The following NUP210L variants were observed in gnomAD, a reference collection of about 807,000 sequenced individuals.
The protein encoded by NUP210L is nucleoporin 210 like, also known as nuclear pore membrane glycoprotein 210-like.
NUP210L carries 74 observed loss-of-function variants against 208.5 expected under a neutral mutation model. The observed-to-expected ratio is 0.35, with a 90% CI of 0.29 to 0.43. NUP210L has a LOEUF of 0.43. Among genes scored for constraint, NUP210L ranks in the 20% least tolerant of loss-of-function variants. NUP210L has a pLI of 1.00. For missense variants in NUP210L, 1,843 were observed against 2,289.4 expected, an observed-to-expected ratio of 0.81 and a Z score of 3.98; for synonymous variants, 780 against 816.9, an observed-to-expected ratio of 0.95 and a Z score of 0.77.
At chr1:154,130,945 T>C (rs1463263096) in intron 7 of NUP210L, among the ~76,000 whole-genome samples, 1 of 152,036 alleles carries the variant, frequency 6.6e-6, no homozygotes, top group Non-Finnish European at 1.5e-5. Flanking sequence ...TTAGTTCTGA[T>C]ATGTACTTTA....
intron 10 of NUP210L, among the ~76,000 whole-genome samples, chr1:154,119,475 C>T (rs1249139874): frequency 6.6e-6 from 1 of 152,088 alleles, no homozygotes; most frequent in African/African-American, 2.4e-5. Context: ...GTAACTCCAG[C>T]TACTTGGGAG....
At chr1:154,145,958 G>A (rs1177481459) in intron 2 of NUP210L, among the ~76,000 whole-genome samples, 2 of 151,972 alleles carry the variant, frequency 1.3e-5, no homozygotes, top group African/African-American at 4.8e-5. Flanking sequence ...GTCTTGCTAC[G>A]TTACCCAGGC....
chr1:154,108,145 G>C (rs1000102785), intron 12 of NUP210L, among the ~76,000 whole-genome samples: 6 of 151,884 alleles, frequency 4.0e-5, no homozygotes, highest in African/African-American at 1.4e-4. Context: ...TGAAATTAAA[G>C]TGTAGAAGTT....
At chr1:154,095,237 T>A in intron 14 of NUP210L, 81 bp from the exon 15 acceptor site, 1 of 1,025,994 alleles carries the variant, frequency 9.7e-7, no homozygotes, top group Non-Finnish European at 1.5e-6. Context: ...GTTATCTGAA[T>A]ATGCTGCAAA....
At chr1:154,110,637 T>C (rs1246119336) in intron 12 of NUP210L, among the ~76,000 whole-genome samples, 1 of 151,072 alleles carries the variant, frequency 6.6e-6, no homozygotes, top group African/African-American at 2.5e-5. Context: ...CCAATACTTT[T>C]GGAGGCTGAA....
chr1:154,151,098 T>C (rs1370302141), intron 2 of NUP210L, among the ~76,000 whole-genome samples: 1 of 152,140 alleles, frequency 6.6e-6, no homozygotes, highest in Non-Finnish European at 1.5e-5. Context: ...CTAGTACTTC[T>C]GTGAATTTTT....
chr1:153,998,324 G>A (rs1326604396), intron 37 of NUP210L, among the ~76,000 whole-genome samples: 1 of 152,146 alleles, frequency 6.6e-6, no homozygotes, highest in East Asian at 1.9e-4. Context: ...GGAGGCCAAG[G>A]TGGGTGGATC....
chr1:153,999,813 G>A (rs1420994616), intron 37 of NUP210L, among the ~76,000 whole-genome samples: 2 of 147,334 alleles, frequency 1.4e-5, no homozygotes, highest in Non-Finnish European at 3.0e-5. Context: ...GTGTTAAACT[G>A]ACAACTATTC....
intron 12 of NUP210L, among the ~76,000 whole-genome samples, chr1:154,110,747 G>A (rs912046137): frequency 6.6e-6 from 1 of 151,226 alleles, no homozygotes; most frequent in Admixed American, 6.6e-5. Context: ...GCGTGGTGGT[G>A]TTCACCTGTA....
rs771522844 is a variant in NUP210L at position 154,089,582 on chromosome 1, G to A, written c.2200C>T (p.Arg734Ter). The A allele has an allele frequency of 2.5e-6, 4 of 1,613,896 alleles. No homozygotes were observed. The African/African-American group carries it at 4.0e-5, about 16-fold the overall frequency. ...AGGACACCTGGATGATTTCCAATTC[G>A]GAATGTGAGAACCTTTAAGGAAGTC... Residue 734 changes from arginine to a stop codon, truncating the protein, a stop_gained, in exon 16 of 40, where the codon CGA (arginine) becomes TGA (stop). Transcript: ENST00000368559. LOFTEE classifies it high-confidence loss of function.
At chr1:154,154,566 C>T (rs1263798202) in intron 1 of NUP210L, among the ~76,000 whole-genome samples, 1 of 152,164 alleles carries the variant, frequency 6.6e-6, no homozygotes, top group Non-Finnish European at 1.5e-5. Context: ...CCCTTCCCAA[C>T]ACACACAGAG....
rs1312961012 is a variant in NUP210L at position 154,117,893 on chromosome 1, A to C, written c.1465-13T>G. ...TGCCACCCTCTACCTGTGAAAACAC[A>C]CATTACATTTAATTACAATCGGAAG... is the stretch of plus-strand genomic sequence containing the variant. On this transcript the variant is annotated splice_polypyrimidine_tract_variant and intron_variant, in intron 11 of 39. Transcript: ENST00000368559. 1 of 1,571,860 alleles carries C rather than the reference A, an allele frequency of 6.4e-7. No individual in the cohort carries two copies. Among genetic ancestry groups the C allele is most frequent in the Admixed American group, 1.9e-5 (1 of 53,618 alleles).
At chr1:154,044,642 G>A (rs868542164) in intron 27 of NUP210L, among the ~76,000 whole-genome samples, 1 of 151,838 alleles carries the variant, frequency 6.6e-6, no homozygotes, top group East Asian at 1.9e-4. Flanking sequence ...GCTGGCTGCC[G>A]AAATATCCTC....
At chr1:154,092,359 G>A (rs766355767) in intron 15 of NUP210L, among the ~76,000 whole-genome samples, 5 of 149,350 alleles carry the variant, frequency 3.3e-5, no homozygotes, top group Non-Finnish European at 5.9e-5. Context: ...GATTACAGGC[G>A]TTAGCCACCG....
chr1:154,100,816 C>A (rs528376217), intron 13 of NUP210L, among the ~76,000 whole-genome samples: 3 of 151,580 alleles, frequency 2.0e-5, no homozygotes, highest in Admixed American at 6.6e-5. Context: ...CCGCACCCAG[C>A]CACAAGCAGT....
intron 9 of NUP210L, 147 bp downstream of exon 9, chr1:154,127,164 T>A: frequency 2.3e-6 from 1 of 425,790 alleles, no homozygotes; most frequent in Non-Finnish European, 4.1e-6. Context: ...TTAATGATAA[T>A]AATAAATTAG....
In NUP210L at chr1:154,073,858, A is replaced by AAATT. The variant is rs1051670751; in HGVS notation, c.2362-3397_2362-3394dup. 4.4e-3 allele frequency among the ~76,000 whole-genome samples: 622 copies of AAATT among 140,520 alleles called. 2 individuals are homozygous for AAATT. The highest frequency in any genetic ancestry group is 7.0e-3 in the Middle Eastern group (2 of 284). 92.2% of individuals were successfully genotyped at this position (140,520 alleles called of 152,430 possible). A position where few individuals can be genotyped will look rare whatever the true frequency, so the allele number is the denominator to read the frequency against. Reference sequence around the variant, plus strand: ...TAAATAAATAAATAAATAAATAAATAAATTCAATGGTATACTGGAGCAGGC... The same window carrying AAATT: ...TAAATAAATAAATAAATAAATAAATAAATTAATTCAATGGTATACTGGAGCAGGC... On this transcript the variant is annotated intron_variant, in intron 16 of 39. Coordinates refer to ENST00000368559, the Ensembl canonical transcript of NUP210L.
At chr1:154,014,297 T>G (rs1371045360) in intron 33 of NUP210L, among the ~76,000 whole-genome samples, 1 of 152,158 alleles carries the variant, frequency 6.6e-6, no homozygotes, top group Non-Finnish European at 1.5e-5. Context: ...TTCGATGAAG[T>G]ACACAAATTA....
intron 12 of NUP210L, among the ~76,000 whole-genome samples, chr1:154,116,427 G>GAA (rs1329156657): frequency 1.5e-5 from 2 of 130,536 alleles, no homozygotes; most frequent in African/African-American, 5.6e-5. Context: ...CCATCTCAGG[G>GAA]AAAAAAAAAA....
Sources: allele counts gnomAD v4.1 joint callset (sites outside exome capture counted in the v4.1 genomes callset), GRCh38; gene constraint gnomAD v4.1.1; transcripts MANE v1.5; gene names NCBI Gene and HGNC (gene_info 2026-07-23, HGNC 2026-07-21).